Variants in CTBP2 observed in about 807,000 individuals in gnomAD.
The protein encoded by CTBP2 is C-terminal binding protein 2.
Under a neutral mutation model 80.3 loss-of-function variants are expected in CTBP2, and 30 were observed. That is an observed-to-expected ratio of 0.37 (90% CI 0.28 to 0.51). CTBP2 has a LOEUF of 0.51. Among genes scored for constraint, CTBP2 ranks in the 20% least tolerant of loss-of-function variants. The pLI is 0.93. For synonymous variants in CTBP2, 594 were observed against 587.4 expected (o/e 1.01, Z -0.16); for missense variants, 1,212 against 1,375.3 (o/e 0.88, Z 1.88).
chr10:125,060,273 G>A (rs1024983908), intron 2 of CTBP2, among the ~76,000 whole-genome samples: 3 of 152,114 alleles, frequency 2.0e-5, no homozygotes, highest in Admixed American at 6.5e-5. Context: ...GAGCTGAGCG[G>A]GTTACTCTGA....
At chr10:125,074,905 C>A (rs1456160328) in intron 2 of CTBP2, among the ~76,000 whole-genome samples, 1 of 152,210 alleles carries the variant, frequency 6.6e-6, no homozygotes, top group East Asian at 1.9e-4. Context: ...CTGGAGCCAC[C>A]TGTGGAACCA....
At chr10:125,048,318 A>G (rs982669034) in intron 2 of CTBP2, among the ~76,000 whole-genome samples, 1 of 152,070 alleles carries the variant, frequency 6.6e-6, no homozygotes, top group Non-Finnish European at 1.5e-5. Flanking sequence ...CACCATCCTC[A>G]TTTCTATCCC....
In CTBP2 at chr10:125,003,459, T is replaced by C; in HGVS notation, c.1712A>G (p.His571Arg). 1.3e-6 allele frequency: 2 copies of C among 1,575,306 alleles called. No homozygotes were observed. The highest frequency in any genetic ancestry group is 1.7e-6 in the Non-Finnish European group (2 of 1,165,566). Residue 571 changes from histidine to arginine, a missense_variant, in exon 2 of 9, where the codon CAC becomes CGC. By Grantham distance (29) the His-to-Arg change is conservative. Transcript: ENST00000309035. ...CAGCAGCGCCACCAGGGGGCGGGGG[T>C]GCAGGGGGCCGTTCATGATCTGGGG...
At chr10:125,057,094 G>C (rs928042580) in intron 2 of CTBP2, among the ~76,000 whole-genome samples, 6 of 152,246 alleles carry the variant, frequency 3.9e-5, no homozygotes, top group Admixed American at 3.3e-4. Context: ...GCAGGAGGGA[G>C]ACAGCAAGGC....
intron 6 of CTBP2, 120 bp from the exon 9 acceptor site, chr10:124,993,449 G>T: frequency 9.0e-7 from 1 of 1,114,764 alleles, no homozygotes; most frequent in Non-Finnish European, 1.2e-6. Flanking sequence ...CATGGATACA[G>T]GAACATCTGT....
chr10:125,065,099 G>A (rs1242651861), intron 2 of CTBP2, among the ~76,000 whole-genome samples: 1 of 152,138 alleles, frequency 6.6e-6, no homozygotes, highest in East Asian at 1.9e-4. Flanking sequence ...AAAATACATC[G>A]TACTGTCCCC....
chr10:125,152,748 A>G (rs1345875687), intron 1 of CTBP2, among the ~76,000 whole-genome samples: 2 of 152,152 alleles, frequency 1.3e-5, no homozygotes, highest in East Asian at 3.9e-4. Context: ...AGATAAAGGA[A>G]TCAGGTCTGT....
rs1159410891 is a variant in CTBP2, at chr10:125,095,578, A to G, written c.-102+15412T>C. Among the ~76,000 whole-genome samples the G allele has an allele frequency of 4.3e-4, 65 of 152,232 alleles. 3 individuals carry two copies. The highest frequency in any genetic ancestry group is 4.2e-3 in the Admixed American group (64 of 15,288). ...CACTACCACATGCTCTGAGGACGCTAGTCCTTCTGGAACTGTGGGCCTCAG... is the reference window on the plus strand; with the variant it reads ...CACTACCACATGCTCTGAGGACGCTGGTCCTTCTGGAACTGTGGGCCTCAG... On this transcript the variant is annotated intron_variant, in intron 2 of 10. Transcript: ENST00000337195.
chr10:124,993,558 GC>G (rs1953015505), intron 6 of CTBP2, among the ~76,000 whole-genome samples: 2 of 152,164 alleles, frequency 1.3e-5, no homozygotes, highest in Non-Finnish European at 2.9e-5. Context: ...TCTATTGAAG[GC>G]TTGTCCTGCT....
At position 124,985,216 on chromosome 10, in the gene CTBP2, T is replaced by G; in HGVS notation, c.*4302A>C. On this transcript the variant is annotated 3_prime_UTR_variant, in exon 9 of 9. Coordinates refer to ENST00000309035, the MANE Select transcript of CTBP2 (RefSeq NM_022802.3). ...ACTACAGTTTGTAAAAAAAACTAATTTTATTAAGACAGAACTTTTTTTCCT... is the reference window on the plus strand; with the variant it reads ...ACTACAGTTTGTAAAAAAAACTAATGTTATTAAGACAGAACTTTTTTTCCT... 2.2e-6 allele frequency: 1 copy of G among 456,480 alleles called. No homozygotes were observed. Among genetic ancestry groups the G allele is most frequent in the Non-Finnish European group, 3.9e-6 (1 of 258,694 alleles). The allele number at this position is 456,480 out of a possible 1,614,324, so 28.3% of individuals were successfully genotyped here. A position where few individuals can be genotyped will look rare whatever the true frequency, so the allele number is the denominator to read the frequency against.
chr10:125,022,928 G>A (rs773191058), intron 1 of CTBP2, among the ~76,000 whole-genome samples: 1 of 152,254 alleles, frequency 6.6e-6, no homozygotes, highest in Non-Finnish European at 1.5e-5. Context: ...GCCGATGGCG[G>A]CGACCCTCTA....
At chr10:125,061,153 A>G (rs1365971111) in intron 2 of CTBP2, among the ~76,000 whole-genome samples, 1 of 152,222 alleles carries the variant, frequency 6.6e-6, no homozygotes, top group Non-Finnish European at 1.5e-5. Flanking sequence ...ACTATTTTCA[A>G]CTAAGGCCCT....
At chr10:125,048,335 A>T (rs1961779456) in intron 2 of CTBP2, among the ~76,000 whole-genome samples, 2 of 152,110 alleles carry the variant, frequency 1.3e-5, no homozygotes, top group Non-Finnish European at 2.9e-5. Context: ...TCCCAACTTA[A>T]GCTCTACAAG....
rs1203905531 is a variant in CTBP2, at chr10:124,985,509, CTTTTA to C, written c.*4004_*4008del. On this transcript the variant is annotated 3_prime_UTR_variant, in exon 9 of 9. Coordinates refer to ENST00000309035, the MANE Select transcript of CTBP2 (RefSeq NM_022802.3). ...TTATCCACAGCAAAACAAAAATAAG[CTTTTA>C]TTTTATTAATAATTTCGTTCCTCTT... 1.3e-5 allele frequency: 2 copies of C among 152,652 alleles called. No homozygotes were observed. Among genetic ancestry groups the C allele is most frequent in the African/African-American group, 4.8e-5 (2 of 41,420 alleles). The allele number at this position is 152,652 out of a possible 1,614,324, so 9.5% of individuals were successfully genotyped here.
intron 1 of CTBP2, among the ~76,000 whole-genome samples, chr10:125,127,480 A>G (rs913725525): frequency 6.6e-5 from 10 of 152,246 alleles, no homozygotes; most frequent in African/African-American, 2.4e-4. Context: ...GCTGAGATCA[A>G]TAATTTTTTG....
intron 1 of CTBP2, among the ~76,000 whole-genome samples, chr10:125,132,024 C>T (rs952101318): frequency 6.6e-6 from 1 of 152,136 alleles, no homozygotes; most frequent in Admixed American, 6.5e-5. Context: ...ATTTCGGAAG[C>T]ATTATAGCAC....
At chr10:125,018,422 A>T (rs11245465) in intron 1 of CTBP2, among the ~76,000 whole-genome samples, 58,591 of 151,886 alleles carry the variant, frequency 0.39, 11,628 homozygotes, top group African/African-American at 0.45. Context: ...CTTGGGAAGC[A>T]GAGGTTGCAG....
At chr10:125,030,327 A>G (rs566489251), upstream of CTBP2, among the ~76,000 whole-genome samples, 1 of 152,356 alleles carries the variant, frequency 6.6e-6, no homozygotes, top group Non-Finnish European at 1.5e-5. Flanking sequence ...AAATAAGATG[A>G]TTGTGTAACA....
At chr10:125,160,663 C>G (rs1228364360), upstream of CTBP2, 1 of 91,100 alleles carries the variant, frequency 1.1e-5, no homozygotes, top group Admixed American at 1.0e-4. Context: ...TCCACCTCCT[C>G]CCCTCGCCGC....
Sources: gnomAD v4.1 joint callset for allele counts (sites outside exome capture counted in the v4.1 genomes callset) on GRCh38, gnomAD v4.1.1 for gene constraint, MANE v1.5 for transcripts, NCBI Gene and HGNC (gene_info 2026-07-23, HGNC 2026-07-21) for gene names.